Variants in TRIOBP observed in about 807,000 individuals in gnomAD.
The protein encoded by TRIOBP is TRIO and F-actin binding protein.
TRIOBP carries 169 observed loss-of-function variants against 238.8 expected under a neutral mutation model. The ratio of observed to expected loss-of-function variants is 0.71; its 90% CI spans 0.62 to 0.80. The LOEUF (loss-of-function observed/expected upper bound fraction) is 0.80, where lower values mean the gene tolerates loss of function less well. Among genes scored for constraint, TRIOBP ranks in the 30% least tolerant of loss-of-function variants. The probability of loss-of-function intolerance (pLI) is 0.00; values close to 1 mark genes in which losing one functional copy is unlikely to be tolerated. For missense variants in TRIOBP, 2,838 were observed against 3,122.6 expected, an observed-to-expected ratio of 0.91 and a Z score of 2.17; for synonymous variants, 1,150 against 1,274.4, an observed-to-expected ratio of 0.90 and a Z score of 2.08.
intron 11 of TRIOBP, chr22:37,746,279 A>G (rs776333559): frequency 2.8e-6 from 3 of 1,074,772 alleles, no homozygotes; most frequent in East Asian, 6.3e-5. Context: ...GGGGAAAGGA[A>G]GGGCCGGAGG....
chr22:37,720,595 A>G (rs1366324936), intron 6 of TRIOBP, among the ~76,000 whole-genome samples: 1 of 152,190 alleles, frequency 6.6e-6, no homozygotes, highest in Admixed American at 6.5e-5. Flanking sequence ...CTTGGGGGCT[A>G]CTGCAACCAT....
At chr22:37,707,828 G>A (rs1923022926) in intron 3 of TRIOBP, among the ~76,000 whole-genome samples, 1 of 151,330 alleles carries the variant, frequency 6.6e-6, no homozygotes, top group Admixed American at 6.6e-5. Flanking sequence ...TGTAGTCCCA[G>A]CTACTCAGGA....
chr22:37,774,871 G>C lies in TRIOBP; in HGVS notation c.*1091G>C, dbSNP rs893867801. Reference sequence around the variant, plus strand: ...AGAGAGAGGCCTGGGGCTAAGACTAGCCCTGACCATGACCTTGGGCAAGTC... The same window carrying C: ...AGAGAGAGGCCTGGGGCTAAGACTACCCCTGACCATGACCTTGGGCAAGTC... On this transcript the variant is annotated 3_prime_UTR_variant, in exon 24 of 24. Coordinates refer to ENST00000644935, the MANE Select transcript of TRIOBP (RefSeq NM_001039141.3). 6.6e-6 allele frequency: 1 copy of C among 152,236 alleles called. No individual in the cohort carries two copies. The highest frequency in any genetic ancestry group is 1.5e-5 in the Non-Finnish European group (1 of 68,054). 9.4% of individuals were successfully genotyped at this position (152,236 alleles called of 1,614,324 possible).
At chr22:37,710,891 A>C (rs899576872) in intron 4 of TRIOBP, among the ~76,000 whole-genome samples, 5 of 152,010 alleles carry the variant, frequency 3.3e-5, no homozygotes, top group Non-Finnish European at 5.9e-5. Context: ...GCTGCTGTAC[A>C]CTCACCTTGC....
chr22:37,761,500 C>CT (rs1372033781), intron 17 of TRIOBP, among the ~76,000 whole-genome samples: 7 of 152,032 alleles, frequency 4.6e-5, no homozygotes, highest in African/African-American at 7.2e-5. Context: ...ATTCCACAGA[C>CT]TTTTGGAGGT....
chr22:37,742,585 T>C (rs576319092), intron 11 of TRIOBP, among the ~76,000 whole-genome samples: 140 of 152,114 alleles, frequency 9.2e-4, no homozygotes, highest in Non-Finnish European at 1.1e-3. Context: ...TCGCTGCTCT[T>C]TGTGGTTAAG....
intron 6 of TRIOBP, among the ~76,000 whole-genome samples, chr22:37,718,777 G>A (rs1180364342): frequency 3.3e-5 from 5 of 151,474 alleles, no homozygotes; most frequent in Non-Finnish European, 7.4e-5. Context: ...CCATGTGTGA[G>A]CCCATTGGGA....
intron 2 of TRIOBP, among the ~76,000 whole-genome samples, chr22:37,699,086 A>G (rs1186070694): frequency 6.6e-6 from 1 of 152,084 alleles, no homozygotes; most frequent in African/African-American, 2.4e-5. Flanking sequence ...GGTTGCAGTG[A>G]GCCGAGTGAG....
Position 37,769,075 on chromosome 22 carries a change from A to G in TRIOBP, c.6623A>G (p.Gln2208Arg), listed in dbSNP as rs1285578051. 4 of 1,613,466 alleles carry G rather than the reference A, an allele frequency of 2.5e-6. No individual in the cohort carries two copies. The African/African-American group carries it at 4.0e-5, about 16-fold the overall frequency. Residue 2208 changes from glutamine (Q) to arginine (R), a missense_variant, in exon 20 of 24, where the codon CAG (glutamine) becomes CGG (arginine). Physicochemically the swap from Gln to Arg is conservative, Grantham distance 43. Coordinates refer to ENST00000644935, the MANE Select transcript of TRIOBP (RefSeq NM_001039141.3). Reference sequence around the variant, plus strand: ...CGAGAGCTGCAGGTGCTATCGGAGCAGTACTCGCAGAAGTGCCTGGAGATT... The same window carrying G: ...CGAGAGCTGCAGGTGCTATCGGAGCGGTACTCGCAGAAGTGCCTGGAGATT... ...LKRELQVLSEQYSQKCLEIGA... is the reference protein window; with the variant it reads ...LKRELQVLSERYSQKCLEIGA...
At chr22:37,708,088 TAC>T (rs922015667) in intron 3 of TRIOBP, among the ~76,000 whole-genome samples, 5 of 137,662 alleles carry the variant, frequency 3.6e-5, no homozygotes, top group Admixed American at 1.5e-4. Flanking sequence ...CTACTAAAAA[TAC>T]AAAAAATTAG....
chr22:37,711,607 A>C (rs1375661687), intron 4 of TRIOBP, among the ~76,000 whole-genome samples: 4 of 151,310 alleles, frequency 2.6e-5, no homozygotes, highest in Non-Finnish European at 5.9e-5. Context: ...AAAAAAAAAA[A>C]ACAAAAAAAA....
At chr22:37,750,314 A>G (rs543029255) in intron 11 of TRIOBP, among the ~76,000 whole-genome samples, 51 of 152,230 alleles carry the variant, frequency 3.4e-4, no homozygotes, top group Non-Finnish European at 6.3e-4. Context: ...GGGCCCAGGA[A>G]GCCTGGCTCC....
At position 37,726,441 on chromosome 22, in the gene TRIOBP, CG is replaced by C; in HGVS notation, c.3890del (p.Gly1297AlafsTer59). On this transcript the variant is annotated frameshift_variant, in exon 7 of 24. Coordinates refer to ENST00000644935, the MANE Select transcript of TRIOBP (RefSeq NM_001039141.3). LOFTEE classifies it high-confidence loss of function. ...QPGPQAQCSS[G>X]GRTHSPGRAE... The stretch of plus-strand genomic sequence containing the variant: ...CAGGGCCCCAGGCGCAGTGCAGCAG[CG>C]GGGGCCGCACCCACAGCCCTGGCCG... 1 of 1,577,148 alleles carries C rather than the reference CG, an allele frequency of 6.3e-7. No homozygotes were observed.
Position 37,724,441 on chromosome 22 carries a change from G to A in TRIOBP, c.1885G>A (p.Ala629Thr), listed in dbSNP as rs1924004975. ...ATRDNPRTSC[A>T]QRDNPRASSP... is the part of the protein sequence containing the mutation. ...ACGAGATAACCCCAGAACATCCTGT[G>A]CCCAGCGGGACAATCCCAGAGCCTC... is the stretch of plus-strand genomic sequence containing the variant. Residue 629 changes from alanine to threonine, a missense_variant, in exon 7 of 24, where the codon GCC becomes ACC. Around this residue, in one of 5 missense-constraint regions of TRIOBP, gnomAD observed 167 missense variants for 200.2 expected, o/e 0.83. Coordinates refer to ENST00000644935, the MANE Select transcript of TRIOBP (RefSeq NM_001039141.3). 1 of 1,611,376 alleles carries A rather than the reference G, an allele frequency of 6.2e-7. No individual in the cohort carries two copies. The highest frequency in any genetic ancestry group is 8.5e-7 in the Non-Finnish European group (1 of 1,179,448).
chr22:37,717,506 A>G (rs1923583927), intron 6 of TRIOBP, among the ~76,000 whole-genome samples: 1 of 152,066 alleles, frequency 6.6e-6, no homozygotes, highest in Non-Finnish European at 1.5e-5. Context: ...TGCATTTACA[A>G]TCCCTGAGCT....
At chr22:37,755,699 T>C in intron 15 of TRIOBP, 40 bp downstream of exon 15, 1 of 1,577,282 alleles carries the variant, frequency 6.3e-7, no homozygotes. Flanking sequence ...GGGAGGCACT[T>C]ACCCTTGCGT....
At chr22:37,732,990 T>C (rs987214863) in intron 7 of TRIOBP, among the ~76,000 whole-genome samples, 2 of 152,180 alleles carry the variant, frequency 1.3e-5, no homozygotes, top group African/African-American at 4.8e-5. Flanking sequence ...TCATAGGAAG[T>C]ACTGGATGAG....
chr22:37,751,902 G>T (rs530080653), intron 12 of TRIOBP, 74 bp downstream of exon 12: 2 of 1,515,436 alleles, frequency 1.3e-6, no homozygotes, highest in Admixed American at 1.7e-5. Flanking sequence ...CCAGGAGTGG[G>T]GGTGGGGCTG....
At position 37,709,315 on chromosome 22, in the gene TRIOBP, C is replaced by G. The variant is rs1923112042; in HGVS notation, c.115-1112C>G. 2.0e-5 allele frequency among the ~76,000 whole-genome samples: 3 copies of G among 152,224 alleles called. No homozygotes were observed. In the South Asian group the frequency reaches 6.2e-4, roughly 32 times the overall value. On this transcript the variant is annotated intron_variant, in intron 3 of 23. Coordinates refer to ENST00000644935, the MANE Select transcript of TRIOBP (RefSeq NM_001039141.3). Reference sequence around the variant, plus strand: ...ATCCCAGGCCCAGGCTCTTGCCCCTCCCGGCTCTCAGGTGAGCTGCTGGGA... The same window carrying G: ...ATCCCAGGCCCAGGCTCTTGCCCCTGCCGGCTCTCAGGTGAGCTGCTGGGA...
Sources: gnomAD v4.1 joint callset for allele counts (sites outside exome capture counted in the v4.1 genomes callset) on GRCh38, gnomAD v4.1.1 for gene constraint, gnomAD v4.1.1 regional missense constraint, MANE v1.5 for transcripts, NCBI Gene and HGNC (gene_info 2026-07-23, HGNC 2026-07-21) for gene names.